Variants in TXNDC12 observed in about 807,000 individuals in gnomAD.
TXNDC12 encodes the protein thioredoxin domain-containing protein 12.
TXNDC12 carries 22 observed loss-of-function variants against 24.2 expected under a neutral mutation model. That is an observed-to-expected ratio of 0.91 (90% CI 0.65 to 1.30). TXNDC12 has a LOEUF of 1.30. Among genes scored for constraint, TXNDC12 ranks in the 50% most tolerant of loss-of-function variants. TXNDC12 has a pLI of 0.00. For synonymous variants in TXNDC12, 58 were observed against 73.4 expected (o/e 0.79, Z 1.07); for missense variants, 184 against 205.8 (o/e 0.89, Z 0.65).
At chr1:52,030,198 T>C (rs1357799143) in intron 2 of TXNDC12, among the ~76,000 whole-genome samples, 7 of 152,050 alleles carry the variant, frequency 4.6e-5, no homozygotes, top group Non-Finnish European at 1.0e-4. Context: ...GGTGAAAACC[T>C]GTCTCTACAA....
intron 6 of TXNDC12, among the ~76,000 whole-genome samples, chr1:52,021,911 GA>G (rs1423906233): frequency 1.3e-5 from 2 of 152,164 alleles, no homozygotes; most frequent in Non-Finnish European, 2.9e-5. Context: ...AGGATTCAGG[GA>G]AGGGTCTCAT....
chr1:52,046,864 A>ATATATATATATATAT (rs1553236777), intron 1 of TXNDC12, among the ~76,000 whole-genome samples: 2 of 34,206 alleles, frequency 5.8e-5, no homozygotes, highest in African/African-American at 1.5e-4. Context: ...AAAAAAAAAA[A>ATATATATATATATAT]AAATATATAT....
chr1:52,037,366 C>T (rs778870361), intron 2 of TXNDC12, among the ~76,000 whole-genome samples: 35 of 152,138 alleles, frequency 2.3e-4, no homozygotes, highest in Non-Finnish European at 4.4e-4. Context: ...GCATGTGCCA[C>T]CACGCCCGGC....
intron 2 of TXNDC12, chr1:52,033,468 C>T (rs2124371217): frequency 1.2e-6 from 2 of 1,613,272 alleles, no homozygotes; most frequent in South Asian, 1.1e-5. Context: ...GCGGGGTGCG[C>T]GCCGCCCGTG....
chr1:52,021,004 C>T lies in TXNDC12; in HGVS notation c.448G>A (p.Gly150Arg), dbSNP rs781295089. 2 of 1,613,092 alleles carry T rather than the reference C, an allele frequency of 1.2e-6. No homozygotes were observed. Among genetic ancestry groups the T allele is most frequent in the Non-Finnish European group, 1.7e-6 (2 of 1,179,166 alleles). Residue 150 changes from glycine (G) to arginine (R), a missense_variant, in exon 7 of 7, where the codon GGG becomes AGG. Transcript: ENST00000371626. ...AGCCTTTCCTGAGCTTCCTTCATCC[C>T]CTGAACAACTGTGAAATAAAGATTG... Reference protein sequence around the residue: ...FYVSAEQVVQGMKEAQERLTG... With the variant: ...FYVSAEQVVQRMKEAQERLTG...
chr1:52,045,751 G>A (rs1188332950), intron 1 of TXNDC12, among the ~76,000 whole-genome samples: 2 of 151,826 alleles, frequency 1.3e-5, no homozygotes, highest in African/African-American at 2.4e-5. Flanking sequence ...ATATTGGTTC[G>A]TCAATTGTAA....
At position 52,033,369 on chromosome 1, in the gene TXNDC12, A is replaced by G. The variant is rs1464577323; in HGVS notation, c.159-4739T>C. ...CCTCAGCGCGTGGCCGCCAACTCAC[A>G]CTGACGTTCCGGCCAGGGTTCTCGT... On this transcript the variant is annotated intron_variant, in intron 2 of 6. Transcript: ENST00000371626. 3.1e-6 allele frequency: 5 copies of G among 1,613,402 alleles called. No individual in the cohort carries two copies. In the East Asian group the frequency reaches 6.7e-5, roughly 22 times the overall value.
chr1:52,024,353 T>C (rs886476335), intron 5 of TXNDC12, among the ~76,000 whole-genome samples, 157 bp downstream of exon 5: 5 of 152,204 alleles, frequency 3.3e-5, no homozygotes, highest in East Asian at 1.9e-4. Flanking sequence ...TTCAGACTTG[T>C]AGTTCTAGCA....
intron 2 of TXNDC12, among the ~76,000 whole-genome samples, chr1:52,037,053 A>C (rs889477416): frequency 6.6e-6 from 1 of 152,066 alleles, no homozygotes; most frequent in Non-Finnish European, 1.5e-5. Context: ...TAATCCTCCT[A>C]AACTTTCATG....
At chr1:52,041,201 C>A (rs568014492) in intron 2 of TXNDC12, among the ~76,000 whole-genome samples, 1 of 151,978 alleles carries the variant, frequency 6.6e-6, no homozygotes, top group South Asian at 2.1e-4. Flanking sequence ...GGCGTGGTGG[C>A]GGGTGCCTGT....
chr1:52,044,204 A>G (rs938219188), intron 1 of TXNDC12: 6 of 152,244 alleles, frequency 3.9e-5, no homozygotes, highest in Admixed American at 6.5e-5. Flanking sequence ...TGTGCTCACT[A>G]GACTCAGTAA....
At position 52,033,232 on chromosome 1, in the gene TXNDC12, TCTCG is replaced by T. The variant is rs757770101; in HGVS notation, c.159-4606_159-4603del. The T allele has an allele frequency of 1.1e-5, 18 of 1,614,148 alleles. No individual in the cohort carries two copies. The South Asian group carries it at 2.0e-4, about 18-fold the overall frequency. The stretch of plus-strand genomic sequence containing the variant: ...TGGAGACTCCGCAGCCCCGGATTCT[TCTCG>T]CTCCAGTTCCTTGGGTACGTCGGCC... On this transcript the variant is annotated intron_variant, in intron 2 of 6. Transcript: ENST00000371626.
intron 2 of TXNDC12, among the ~76,000 whole-genome samples, chr1:52,041,245 A>G (rs1685983425): frequency 6.6e-6 from 1 of 151,924 alleles, no homozygotes; most frequent in Admixed American, 6.6e-5. Flanking sequence ...AGGCAGGAGA[A>G]TGGCGTGAGC....
At chr1:52,027,759 A>G (rs1020002765) in intron 3 of TXNDC12, among the ~76,000 whole-genome samples, 5 of 149,260 alleles carry the variant, frequency 3.3e-5, no homozygotes, top group African/African-American at 9.8e-5. Context: ...ATATATACAT[A>G]TATACGTATA....
Position 52,041,500 on chromosome 1 carries a change from T to G in TXNDC12, c.158+37A>C, listed in dbSNP as rs762768393. 4.6e-6 allele frequency: 7 copies of G among 1,508,320 alleles called. No individual in the cohort carries two copies. The African/African-American group carries it at 6.9e-5, about 15-fold the overall frequency. The allele number at this position is 1,508,320 out of a possible 1,614,324, so 93.4% of individuals were successfully genotyped here. ...CGTTAAGTTGATAGCTGAAAAGTGT[T>G]TTACCACCATAAATGACCTAAAACC... On this transcript the variant is annotated intron_variant, in intron 2 of 6. Coordinates refer to ENST00000371626, the MANE Select transcript of TXNDC12 (RefSeq NM_015913.4).
intron 1 of TXNDC12, among the ~76,000 whole-genome samples, chr1:52,044,435 T>C (rs1206739572): frequency 6.6e-6 from 1 of 152,206 alleles, no homozygotes; most frequent in Non-Finnish European, 1.5e-5. Flanking sequence ...GAGGAAAAGA[T>C]TCTCCACTTT....
At chr1:52,033,899 G>T in intron 2 of TXNDC12, 1 of 1,432,862 alleles carries the variant, frequency 7.0e-7, no homozygotes, top group South Asian at 1.5e-5. Flanking sequence ...ATGGAAACAG[G>T]AGTTCTACGC....
In TXNDC12 at chr1:52,028,116, C is replaced by T. The variant is rs374777640; in HGVS notation, c.211+462G>A. ...CTGGGATTACAGGCATGAGCCACTG[C>T]GCCTGGTCTTTTATACTATTTTTTA... On this transcript the variant is annotated intron_variant, in intron 3 of 6. Coordinates refer to ENST00000371626, the MANE Select transcript of TXNDC12 (RefSeq NM_015913.4). Among the ~76,000 whole-genome samples, 33 of 152,058 alleles carry T rather than the reference C, an allele frequency of 2.2e-4. No individual in the cohort carries two copies. The East Asian group carries it at 3.7e-3, about 17-fold the overall frequency.
upstream of TXNDC12, chr1:52,055,848 T>C (rs1290833960): frequency 6.6e-6 from 1 of 152,262 alleles, no homozygotes; most frequent in Non-Finnish European, 1.5e-5. Flanking sequence ...GACACCAGGA[T>C]ATAAGTCACT....
Sources: allele counts gnomAD v4.1 joint callset (sites outside exome capture counted in the v4.1 genomes callset), GRCh38; gene constraint gnomAD v4.1.1; transcripts MANE v1.5; gene names NCBI Gene and HGNC (gene_info 2026-07-23, HGNC 2026-07-21).